ABCC1: variants seen among roughly 807,000 people sequenced by gnomAD.
ABCC1 encodes multidrug resistance-associated protein 1.
ABCC1 carries 83 observed loss-of-function variants against 172.9 expected under a neutral mutation model. The ratio of observed to expected loss-of-function variants is 0.48; its 90% confidence interval spans 0.40 to 0.58. The LOEUF (loss-of-function observed/expected upper bound fraction) is 0.58, where lower values mean the gene tolerates loss of function less well. ABCC1 is among the 20% of genes least tolerant of loss of function. ABCC1 has a pLI of 0.00. For missense variants in ABCC1, 1,817 were observed against 2,002.7 expected (o/e 0.91, Z 1.77); for synonymous variants, 937 against 825.2 (o/e 1.14, Z -2.32).
At chr16:16,032,388 T>G (rs1276884821) in intron 5 of ABCC1, among the ~76,000 whole-genome samples, 1 of 152,218 alleles carries the variant, frequency 6.6e-6, no homozygotes, top group African/African-American at 2.4e-5. Context: ...TAGCTACTAA[T>G]AGTAGAGAAT....
At chr16:16,008,310 C>G (rs1481670488) in intron 2 of ABCC1, among the ~76,000 whole-genome samples, 1 of 151,976 alleles carries the variant, frequency 6.6e-6, no homozygotes, top group African/African-American at 2.4e-5. Context: ...TCCCCTCTTA[C>G]TGAGCCGATC....
At chr16:15,983,960 C>G (rs73511893) in intron 1 of ABCC1, among the ~76,000 whole-genome samples, 1 of 152,144 alleles carries the variant, frequency 6.6e-6, no homozygotes, top group Non-Finnish European at 1.5e-5. Flanking sequence ...CAAAAGTAAC[C>G]TGGGCCTTTT....
At chr16:16,033,722 C>A (rs1422651984) in intron 6 of ABCC1, among the ~76,000 whole-genome samples, 1 of 152,080 alleles carries the variant, frequency 6.6e-6, no homozygotes, top group African/African-American at 2.4e-5. Flanking sequence ...CTCCCAGGTT[C>A]AAGCGATTCT....
intron 29 of ABCC1, among the ~76,000 whole-genome samples, chr16:16,137,619 G>A (rs1258231696): frequency 3.0e-5 from 4 of 133,030 alleles, no homozygotes; most frequent in East Asian, 2.5e-4. Context: ...GTGCAGTGGC[G>A]CAATCTCATC....
Position 15,949,652 on chromosome 16 carries a change from C to T in ABCC1, c.-100C>T, listed in dbSNP as rs2045815375. 4 of 517,170 alleles carry T rather than the reference C, an allele frequency of 7.7e-6. No individual in the cohort carries two copies. The highest frequency in any genetic ancestry group is 9.4e-6 in the Non-Finnish European group (4 of 427,054). The allele number at this position is 517,170 out of a possible 1,614,324, so 32.0% of individuals were successfully genotyped here. On this transcript the variant is annotated 5_prime_UTR_variant, in exon 1 of 31. Transcript: ENST00000399410. ...CGCCGCCAGCGCTAGCGCCAGCAGC[C>T]GGGCCCGATCACCCGCCGCCCGGTG...
At chr16:15,996,765 A>C (rs958673535) in intron 1 of ABCC1, among the ~76,000 whole-genome samples, 1 of 152,118 alleles carries the variant, frequency 6.6e-6, no homozygotes, top group Non-Finnish European at 1.5e-5. Context: ...GAGGACTTCC[A>C]TGATAATCAG....
At chr16:16,140,123 C>A (rs1459106718) in intron 30 of ABCC1, among the ~76,000 whole-genome samples, 1 of 152,108 alleles carries the variant, frequency 6.6e-6, no homozygotes, top group Non-Finnish European at 1.5e-5. Flanking sequence ...CCGGTACAGC[C>A]GAATGTAAAA....
chr16:16,057,358 CA>C, intron 12 of ABCC1, among the ~76,000 whole-genome samples: 1 of 140,546 alleles, frequency 7.1e-6, no homozygotes. Flanking sequence ...GACCCTGTCT[CA>C]AAAAAGTAAA....
chr16:15,965,408 C>T (rs2046221582), intron 1 of ABCC1, among the ~76,000 whole-genome samples: 1 of 152,134 alleles, frequency 6.6e-6, no homozygotes, highest in Non-Finnish European at 1.5e-5. Context: ...TCTCCTGCCT[C>T]AGCCTCCCAA....
chr16:15,959,745 T>C (rs1412139472), intron 1 of ABCC1, among the ~76,000 whole-genome samples: 2 of 152,152 alleles, frequency 1.3e-5, no homozygotes, highest in African/African-American at 4.8e-5. Context: ...AGTTTAACTG[T>C]GGGATTCATC....
Position 16,057,196 on chromosome 16 carries a change from AAAG to A in ABCC1, c.1677+904_1677+906del, listed in dbSNP as rs1167573368. ...GTTACTGCTTAAAAAAAAAAAAAAAAAAGAAAGAAAAAAAAAGCTGGGCATGGT... is the reference window on the plus strand; with the variant it reads ...GTTACTGCTTAAAAAAAAAAAAAAAAAAAGAAAAAAAAAGCTGGGCATGGT... On this transcript the variant is annotated intron_variant, in intron 12 of 30. Transcript: ENST00000399410. Among the ~76,000 whole-genome samples the A allele has an allele frequency of 1.1e-3, 103 of 93,836 alleles. 1 individual carries two copies. Among genetic ancestry groups the A allele is most frequent in the African/African-American group, 2.2e-3 (49 of 21,818 alleles). 61.6% of individuals were successfully genotyped at this position (93,836 alleles called of 152,430 possible). A position where few individuals can be genotyped will look rare whatever the true frequency, so the allele number is the denominator to read the frequency against.
In ABCC1 at chr16:16,083,253, T is replaced by G. The variant is rs946649390; in HGVS notation, c.2116-113T>G. ...CCTCTTGCCAAAGCAATAGTTGTGA[T>G]GAAAATGACTTGTGAAGTGAGGCCC... On this transcript the variant is annotated intron_variant, in intron 16 of 30. Coordinates refer to ENST00000399410, the MANE Select transcript of ABCC1 (RefSeq NM_004996.4). 9 of 1,064,116 alleles carry G rather than the reference T, an allele frequency of 8.5e-6. No individual in the cohort carries two copies. In the African/African-American group the frequency reaches 1.3e-4, roughly 15 times the overall value. 65.9% of individuals were successfully genotyped at this position (1,064,116 alleles called of 1,614,324 possible). A position where few individuals can be genotyped will look rare whatever the true frequency, so the allele number is the denominator to read the frequency against.
chr16:15,981,348 G>T (rs2046615910), intron 1 of ABCC1, among the ~76,000 whole-genome samples: 1 of 152,234 alleles, frequency 6.6e-6, no homozygotes, highest in Non-Finnish European at 1.5e-5. Flanking sequence ...TGCCCTAGCA[G>T]AGGTTCTCCA....
At chr16:16,084,192 TC>T (rs1385345591) in intron 17 of ABCC1, among the ~76,000 whole-genome samples, 2 of 152,156 alleles carry the variant, frequency 1.3e-5, no homozygotes. Context: ...AACCTCTGCC[TC>T]CCGCGTTCAG....
At chr16:16,013,270 GT>G (rs35420214) in intron 3 of ABCC1, among the ~76,000 whole-genome samples, 33 of 145,822 alleles carry the variant, frequency 2.3e-4, no homozygotes, top group African/African-American at 4.8e-4. Context: ...GCCAGCACAT[GT>G]TTTTTTTTTT....
At chr16:16,134,272 C>A (rs554767078) in intron 27 of ABCC1, 78 bp from the exon 28 acceptor site, 19 of 1,573,076 alleles carry the variant, frequency 1.2e-5, no homozygotes, top group Non-Finnish European at 1.6e-5. Context: ...GAGGTGGGGC[C>A]GAGATGAGGG....
intron 11 of ABCC1, among the ~76,000 whole-genome samples, chr16:16,055,631 A>G (rs1019313018): frequency 1.1e-4 from 16 of 152,002 alleles, no homozygotes; most frequent in Non-Finnish European, 2.9e-5. Flanking sequence ...CAGAGTAGGG[A>G]CTGAATCCCT....
At chr16:16,033,025 A>G in intron 5 of ABCC1, 84 bp from the exon 6 acceptor site, 1 of 1,343,944 alleles carries the variant, frequency 7.4e-7, no homozygotes. Context: ...TGAGCAGCTG[A>G]CTACTTGCTA....
intron 20 of ABCC1, among the ~76,000 whole-genome samples, chr16:16,105,839 G>A (rs1296840377): frequency 6.7e-6 from 1 of 149,774 alleles, no homozygotes; most frequent in Admixed American, 6.7e-5. Flanking sequence ...ATCTCTGGGG[G>A]TCTGCATAAA....
Sources: allele counts gnomAD v4.1 joint callset (sites outside exome capture counted in the v4.1 genomes callset), GRCh38; gene constraint gnomAD v4.1.1; transcripts MANE v1.5; gene names NCBI Gene and HGNC (gene_info 2026-07-23, HGNC 2026-07-21).